Variants in NEBL observed in about 807,000 individuals in gnomAD.
NEBL encodes the protein nebulette.
A neutral mutation model predicts 140.2 loss-of-function variants in NEBL; 122 were observed. The observed-to-expected ratio is 0.87, with a 90% CI of 0.75 to 1.01. The LOEUF (loss-of-function observed/expected upper bound fraction) is 1.01. NEBL is among the 50% of genes least tolerant of loss of function. NEBL has a pLI of 0.00. For synonymous variants in NEBL, 436 were observed against 398.9 expected (o/e 1.09, Z -1.11); for missense variants, 1,365 against 1,231.3 (o/e 1.11, Z -1.62).
chr10:20,903,799 C>G (rs138256095), intron 4 of NEBL, among the ~76,000 whole-genome samples: 152 of 151,764 alleles, frequency 1.0e-3, no homozygotes, highest in African/African-American at 3.4e-3. Flanking sequence ...GTCTGTCACT[C>G]ATAAGTGGCA....
intron 4 of NEBL, among the ~76,000 whole-genome samples, chr10:20,910,904 ATGCC>A (rs1701348979): frequency 6.6e-6 from 1 of 151,108 alleles, no homozygotes; most frequent in African/African-American, 2.4e-5. Flanking sequence ...ATGGTGGTTC[ATGCC>A]TGTAATCCCA....
chr10:20,875,333 T>C (rs1429024183), intron 5 of NEBL, among the ~76,000 whole-genome samples: 1 of 152,214 alleles, frequency 6.6e-6, no homozygotes, highest in Admixed American at 6.5e-5. Context: ...TCATCCCTGA[T>C]GTGTCTTGAC....
chr10:21,284,906 A>C (rs1490385944), intron 1 of NEBL, among the ~76,000 whole-genome samples: 1 of 152,166 alleles, frequency 6.6e-6, no homozygotes, highest in African/African-American at 2.4e-5. Context: ...TTTGTATGAA[A>C]AAGCACCATT....
intron 2 of NEBL, among the ~76,000 whole-genome samples, chr10:20,891,839 T>A (rs1183179469): frequency 6.6e-6 from 1 of 152,158 alleles, no homozygotes; most frequent in African/African-American, 2.4e-5. Context: ...TCAAGTGAAT[T>A]GTGCAATATG....
chr10:20,877,449 G>A (rs1031598257), intron 5 of NEBL, among the ~76,000 whole-genome samples: 12 of 152,158 alleles, frequency 7.9e-5, no homozygotes, highest in Admixed American at 4.6e-4. Context: ...GAAGTCCTTC[G>A]TAAGACTTTC....
chr10:21,234,016 TA>T (rs1266314947), intron 3 of NEBL, among the ~76,000 whole-genome samples: 1 of 134,826 alleles, frequency 7.4e-6, no homozygotes, highest in Non-Finnish European at 1.7e-5. Flanking sequence ...GTGAGATAGA[TA>T]GATAGATAGA....
At chr10:21,074,795 TTTGTTG>T (rs71747504) in intron 2 of NEBL, among the ~76,000 whole-genome samples, 12 of 148,874 alleles carry the variant, frequency 8.1e-5, no homozygotes, top group South Asian at 2.2e-4. Context: ...TATATATATT[TTTGTTG>T]TTGTTGTTGT....
intron 8 of NEBL, 107 bp from the exon 9 acceptor site, chr10:20,858,451 T>G: frequency 1.1e-6 from 1 of 926,774 alleles, no homozygotes; most frequent in Non-Finnish European, 1.7e-6. Flanking sequence ...TAGTGGTAAA[T>G]GGACAGACGA....
chr10:20,961,808 A>G, intron 3 of NEBL: 1 of 1,544,614 alleles, frequency 6.5e-7, no homozygotes, highest in Non-Finnish European at 8.9e-7. Flanking sequence ...AGAAAAGTGA[A>G]CAGAGGGATC....
At chr10:21,076,443 T>TC (rs1836081610) in intron 2 of NEBL, among the ~76,000 whole-genome samples, 1 of 37,164 alleles carries the variant, frequency 2.7e-5, no homozygotes, top group Non-Finnish European at 4.6e-5. Flanking sequence ...AGACTCAGTT[T>TC]CAAAAAAAAA....
intron 14 of NEBL, among the ~76,000 whole-genome samples, chr10:20,834,224 T>C (rs949581825): frequency 1.3e-5 from 2 of 152,148 alleles, no homozygotes; most frequent in African/African-American, 4.8e-5. Context: ...CCATTTAAGA[T>C]TTTTTTAAGT....
chr10:21,117,009 A>C (rs1009695171), intron 2 of NEBL, among the ~76,000 whole-genome samples: 1 of 152,068 alleles, frequency 6.6e-6, no homozygotes, highest in African/African-American at 2.4e-5. Context: ...TCAGAAATAT[A>C]CATGTTACTT....
At chr10:21,244,633 A>C (rs71486488) in intron 3 of NEBL, among the ~76,000 whole-genome samples, 30,937 of 151,274 alleles carry the variant, frequency 0.2, 3,765 homozygotes, top group African/African-American at 0.33. Flanking sequence ...GCCTGGGCGA[A>C]AAGAGCAAGA....
intron 7 of NEBL, 134 bp from the exon 8 acceptor site, chr10:20,859,960 A>G: frequency 1.8e-6 from 1 of 547,668 alleles, no homozygotes; most frequent in South Asian, 2.9e-5. Context: ...ATCGCCTTCT[A>G]TAAAGCTTAA....
chr10:21,035,691 G>T (rs945180691), intron 2 of NEBL, among the ~76,000 whole-genome samples: 3 of 151,944 alleles, frequency 2.0e-5, no homozygotes, highest in South Asian at 2.1e-4. Context: ...TTTGTGGAAG[G>T]TCTGAACTAG....
chr10:20,908,616 G>A (rs577205005), intron 4 of NEBL, among the ~76,000 whole-genome samples: 1 of 152,232 alleles, frequency 6.6e-6, no homozygotes, highest in East Asian at 1.9e-4. Flanking sequence ...AACTCTCTCA[G>A]GGTTTATATT....
At chr10:20,922,866 A>T (rs1325643268) in intron 4 of NEBL, among the ~76,000 whole-genome samples, 2 of 152,204 alleles carry the variant, frequency 1.3e-5, no homozygotes, top group East Asian at 3.9e-4. Context: ...TGCTAGACAG[A>T]TTCTGAAAAA....
In NEBL at chr10:21,231,032, A is replaced by G. The variant is rs1401867782; in HGVS notation, n.348+16889T>C. Among the ~76,000 whole-genome samples, 4 of 152,236 alleles carry G rather than the reference A, an allele frequency of 2.6e-5. No homozygotes were observed. In the South Asian group the frequency reaches 6.2e-4, roughly 24 times the overall value. ...CTTCCGTCCAAATGAAGCACGATCC[A>G]TGGACCAAAAGAAAGTCAATTGATT... On this transcript the variant is annotated intron_variant and non_coding_transcript_variant, in intron 3 of 8. Transcript: ENST00000675702.
chr10:21,040,412 C>G (rs963300855), intron 2 of NEBL, among the ~76,000 whole-genome samples: 11 of 152,178 alleles, frequency 7.2e-5, no homozygotes, highest in Non-Finnish European at 1.5e-4. Context: ...GCACCAGCAT[C>G]TGTTTCTGGT....
Sources: allele counts gnomAD v4.1 joint callset (sites outside exome capture counted in the v4.1 genomes callset), GRCh38; gene constraint gnomAD v4.1.1; transcripts MANE v1.5; gene names NCBI Gene and HGNC (gene_info 2026-07-23, HGNC 2026-07-21).